ATP2B1: variants seen among roughly 807,000 people sequenced by gnomAD.
ATP2B1 encodes the protein ATPase plasma membrane Ca2+ transporting 1, also known as plasma membrane calcium-transporting ATPase 1.
A neutral mutation model predicts 124.2 loss-of-function variants in ATP2B1; 14 were observed. That is an observed-to-expected ratio of 0.11 (90% confidence interval 0.07 to 0.18). The LOEUF (loss-of-function observed/expected upper bound fraction) is 0.18, where lower values mean the gene tolerates loss of function less well. ATP2B1 is among the 10% of genes least tolerant of loss of function. The pLI is 1.00. For synonymous variants in ATP2B1, 449 were observed against 492.4 expected, an observed-to-expected ratio of 0.91 and a Z score of 1.17; for missense variants, 763 against 1,466.1, an observed-to-expected ratio of 0.52 and a Z score of 7.83.
At chr12:89,597,952 G>GA (rs970223514) in intron 20 of ATP2B1, among the ~76,000 whole-genome samples, 1 of 109,530 alleles carries the variant, frequency 9.1e-6, no homozygotes, top group African/African-American at 3.5e-5. Flanking sequence ...TATACAAATG[G>GA]AAAAAAAAAA....
intron 1 of ATP2B1, among the ~76,000 whole-genome samples, chr12:89,702,184 C>A (rs1593023011): frequency 6.6e-6 from 1 of 152,178 alleles, no homozygotes; most frequent in Admixed American, 6.5e-5. Context: ...ACTGCATAAA[C>A]CAGCATATCC....
chr12:89,652,651 A>C (rs1885409837), intron 2 of ATP2B1, among the ~76,000 whole-genome samples: 1 of 152,242 alleles, frequency 6.6e-6, no homozygotes, highest in Non-Finnish European at 1.5e-5. Context: ...ATCAGTGACA[A>C]AATGCTTCCG....
intron 1 of ATP2B1, among the ~76,000 whole-genome samples, chr12:89,672,320 G>A (rs573547187): frequency 6.6e-6 from 1 of 152,160 alleles, no homozygotes; most frequent in African/African-American, 2.4e-5. Flanking sequence ...TGGGCATAGT[G>A]GCGGGTGCCT....
At chr12:89,627,950 T>C (rs530400687) in intron 6 of ATP2B1, among the ~76,000 whole-genome samples, 2 of 152,186 alleles carry the variant, frequency 1.3e-5, no homozygotes, top group Admixed American at 6.6e-5. Context: ...TATTTTTCCA[T>C]AGGACTTCAT....
chr12:89,638,665 T>C (rs1391620052), intron 3 of ATP2B1, among the ~76,000 whole-genome samples: 1 of 152,186 alleles, frequency 6.6e-6, no homozygotes, highest in African/African-American at 2.4e-5. Context: ...TCTATGTGAA[T>C]ATACAATAGA....
intron 12 of ATP2B1, among the ~76,000 whole-genome samples, chr12:89,614,522 T>A (rs899628133): frequency 3.9e-5 from 6 of 152,200 alleles, no homozygotes; most frequent in African/African-American, 1.4e-4. Context: ...TTGGTAACCC[T>A]CTATCAGCCA....
intron 1 of ATP2B1, among the ~76,000 whole-genome samples, chr12:89,682,873 C>T (rs1889523075): frequency 1.3e-5 from 2 of 151,984 alleles, no homozygotes; most frequent in African/African-American, 4.8e-5. Context: ...TGGCAAAACA[C>T]AACATAAGCA....
chr12:89,703,977 G>C (rs1468613398), intron 1 of ATP2B1, among the ~76,000 whole-genome samples: 4 of 152,160 alleles, frequency 2.6e-5, no homozygotes, highest in Admixed American at 2.6e-4. Flanking sequence ...TCCCCCAGGT[G>C]ATTCTTCATG....
intron 5 of ATP2B1, among the ~76,000 whole-genome samples, chr12:89,631,929 C>G (rs1881936452): frequency 6.6e-6 from 1 of 151,824 alleles, no homozygotes. Flanking sequence ...CCGTGCTCGG[C>G]CTGAAGGTTA....
intron 6 of ATP2B1, among the ~76,000 whole-genome samples, chr12:89,628,973 T>G (rs1023336477): frequency 6.6e-6 from 1 of 151,624 alleles, no homozygotes; most frequent in African/African-American, 2.4e-5. Context: ...GAAGAAAAAA[T>G]GTTGCCCTGT....
intron 1 of ATP2B1, among the ~76,000 whole-genome samples, chr12:89,658,886 C>T (rs1190361298): frequency 6.6e-6 from 1 of 152,096 alleles, no homozygotes; most frequent in African/African-American, 2.4e-5. Context: ...ACAAAAGCAC[C>T]AAATGCAAAT....
rs146133442 is a variant in ATP2B1 at position 89,635,401 on chromosome 12, A to C, written c.407-150T>G. ...CTTTATTAAATTCAAAGTATTCCAT[A>C]AGAACTCTATGTCACTTTCAAGTTC... On this transcript the variant is annotated intron_variant, in intron 3 of 20. Coordinates refer to ENST00000428670, the MANE Select transcript of ATP2B1 (RefSeq NM_001366521.1). 1.2e-4 allele frequency: 120 copies of C among 1,025,502 alleles called. No individual in the cohort carries two copies. In the African/African-American group the frequency reaches 1.7e-3, roughly 14 times the overall value. The allele number at this position is 1,025,502 out of a possible 1,614,324, so 63.5% of individuals were successfully genotyped here.
chr12:89,629,008 C>CA (rs962741243), intron 6 of ATP2B1, among the ~76,000 whole-genome samples: 14 of 151,328 alleles, frequency 9.3e-5, no homozygotes, highest in South Asian at 4.2e-4. Flanking sequence ...ACAACAACAA[C>CA]AAAAAAAGGG....
At chr12:89,644,375 A>G (rs1275040553) in intron 2 of ATP2B1, among the ~76,000 whole-genome samples, 1 of 152,162 alleles carries the variant, frequency 6.6e-6, no homozygotes, top group East Asian at 1.9e-4. Flanking sequence ...ATATAAATAC[A>G]TTAGAATAAA....
intron 12 of ATP2B1, among the ~76,000 whole-genome samples, chr12:89,615,223 C>CAAATGCCACATCCTCAG (rs1878748803): frequency 6.6e-6 from 1 of 152,152 alleles, no homozygotes; most frequent in Admixed American, 6.6e-5. Flanking sequence ...GATTGCAACT[C>CAAATGCCACATCCTCAG]AAATGCCACA....
At chr12:89,612,128 G>A (rs1186466795) in intron 12 of ATP2B1, 1 of 152,104 alleles carries the variant, frequency 6.6e-6, no homozygotes, top group Non-Finnish European at 1.5e-5. Flanking sequence ...AAGGTACCCT[G>A]CCTTTAAGTT....
intron 1 of ATP2B1, among the ~76,000 whole-genome samples, chr12:89,678,659 TAACA>T (rs1024029866): frequency 2.0e-5 from 3 of 152,154 alleles, no homozygotes; most frequent in African/African-American, 7.2e-5. Context: ...TGTGTCTTAC[TAACA>T]AAAATCAAGA....
intron 2 of ATP2B1, among the ~76,000 whole-genome samples, chr12:89,645,186 A>G (rs1884257611): frequency 6.6e-6 from 1 of 152,212 alleles, no homozygotes; most frequent in South Asian, 2.1e-4. Context: ...CACAGTTCAT[A>G]AATCATAAAC....
At chr12:89,596,407 A>G (rs1032575215) in intron 20 of ATP2B1, among the ~76,000 whole-genome samples, 1 of 152,168 alleles carries the variant, frequency 6.6e-6, no homozygotes, top group Non-Finnish European at 1.5e-5. Context: ...GACTAGACTC[A>G]TAACACACAT....
Sources: allele counts gnomAD v4.1 joint callset (sites outside exome capture counted in the v4.1 genomes callset), GRCh38; gene constraint gnomAD v4.1.1; transcripts MANE v1.5; gene names NCBI Gene and HGNC (gene_info 2026-07-23, HGNC 2026-07-21).